Variants in RAPGEF4 observed in about 807,000 individuals in gnomAD.
The protein encoded by RAPGEF4 is RAP guanine-nucleotide-exchange factor (GEF) 4.
RAPGEF4 carries 66 observed loss-of-function variants against 147.9 expected under a neutral mutation model. The observed-to-expected ratio is 0.45, with a 90% CI of 0.37 to 0.55. The LOEUF (loss-of-function observed/expected upper bound fraction) is 0.55. Among genes scored for constraint, RAPGEF4 ranks in the 20% least tolerant of loss-of-function variants. The pLI is 0.00. For synonymous variants in RAPGEF4, 419 were observed against 442.7 expected (o/e 0.95, Z 0.67); for missense variants, 1,071 against 1,257.3 (o/e 0.85, Z 2.24).
chr2:172,912,216 C>T (rs544510551), intron 4 of RAPGEF4, among the ~76,000 whole-genome samples: 1 of 152,326 alleles, frequency 6.6e-6, no homozygotes, highest in Admixed American at 6.5e-5. Context: ...TAGTTACTGT[C>T]TCTGTTTCTT....
In RAPGEF4 at chr2:172,795,069, G is replaced by T. The variant is rs757476344; in HGVS notation, c.110G>T (p.Arg37Leu). The change falls in exon 2 of 31, where the codon CGA becomes CTA. Residue 37 changes from arginine (R) to leucine (L), a missense_variant. Arg to Leu is a moderately radical substitution (Grantham distance 102). Coordinates refer to ENST00000397081, the MANE Select transcript of RAPGEF4 (RefSeq NM_007023.4). ...SSEDVDIIFTRLKEVKAFEKF... is the reference protein window; with the variant it reads ...SSEDVDIIFTLLKEVKAFEKF... ...GAAGATGTGGATATAATCTTCACTC[G>T]ACTGAAAGAAGTTAAAGCTTTTGAG... 8.1e-6 allele frequency: 13 copies of T among 1,613,792 alleles called. No individual in the cohort carries two copies. The highest frequency in any genetic ancestry group is 4.2e-6 in the Non-Finnish European group (5 of 1,179,888).
chr2:172,841,052 C>A (rs1472478257), intron 4 of RAPGEF4, among the ~76,000 whole-genome samples: 1 of 152,202 alleles, frequency 6.6e-6, no homozygotes, highest in African/African-American at 2.4e-5. Context: ...AAGTGATAGA[C>A]CCTCTCCCCA....
At chr2:172,743,274 A>G (rs34942777) in intron 1 of RAPGEF4, among the ~76,000 whole-genome samples, 15,506 of 152,146 alleles carry the variant, frequency 0.1, 1,047 homozygotes, top group Non-Finnish European at 0.14. Context: ...ACAGCGAGAG[A>G]TCCAGCTGAA....
intron 8 of RAPGEF4, among the ~76,000 whole-genome samples, chr2:172,964,973 A>G (rs969287849): frequency 6.6e-6 from 1 of 152,230 alleles, no homozygotes; most frequent in Non-Finnish European, 1.5e-5. Context: ...GCTCTGGAGA[A>G]GTGCTAATGC....
intron 6 of RAPGEF4, among the ~76,000 whole-genome samples, chr2:172,952,987 A>G (rs892017282): frequency 5.9e-5 from 9 of 152,126 alleles, no homozygotes; most frequent in African/African-American, 2.2e-4. Context: ...GCAGTACTCC[A>G]GAACAGTTGA....
chr2:172,756,854 T>G (rs898396332), intron 1 of RAPGEF4, among the ~76,000 whole-genome samples: 2 of 152,204 alleles, frequency 1.3e-5, no homozygotes, highest in African/African-American at 4.8e-5. Context: ...TCAAAGGAAA[T>G]CAGAGTGAAA....
chr2:173,006,046 T>C (rs528505845), intron 17 of RAPGEF4, among the ~76,000 whole-genome samples: 7 of 152,338 alleles, frequency 4.6e-5, no homozygotes, highest in African/African-American at 1.7e-4. Context: ...AGACTCTAGC[T>C]AGACTGGGCC....
At chr2:172,900,481 C>T (rs910111697) in intron 4 of RAPGEF4, among the ~76,000 whole-genome samples, 1 of 152,136 alleles carries the variant, frequency 6.6e-6, no homozygotes, top group African/African-American at 2.4e-5. Flanking sequence ...TCAAACAATC[C>T]CCCTACCTCA....
intron 1 of RAPGEF4, among the ~76,000 whole-genome samples, chr2:172,760,301 C>A (rs746660918): frequency 6.6e-6 from 1 of 152,096 alleles, no homozygotes; most frequent in Admixed American, 6.5e-5. Flanking sequence ...CAATTATGAA[C>A]ACAGAGCATA....
chr2:172,949,732 A>T (rs150002060), intron 6 of RAPGEF4, among the ~76,000 whole-genome samples: 2 of 152,356 alleles, frequency 1.3e-5, no homozygotes, highest in Non-Finnish European at 2.9e-5. Flanking sequence ...GAACTCTGAC[A>T]AATCAGATGA....
chr2:173,024,935 C>G (rs1696516943), intron 23 of RAPGEF4, among the ~76,000 whole-genome samples: 1 of 152,206 alleles, frequency 6.6e-6, no homozygotes, highest in South Asian at 2.1e-4. Context: ...TCCTTCCACC[C>G]CAAGGGACCA....
intron 14 of RAPGEF4, among the ~76,000 whole-genome samples, chr2:172,990,017 CAA>C (rs10689863): frequency 3.1e-5 from 4 of 128,922 alleles, no homozygotes; most frequent in Admixed American, 7.8e-5. Context: ...GGTCTTAATG[CAA>C]AAAAAAAAAA....
At position 172,988,876 on chromosome 2, in the gene RAPGEF4, AT is replaced by A. The variant is rs551742809; in HGVS notation, c.1374+44del. ...GCAAAGTGTGGCTGAGAGACAGCCC[AT>A]TTTTTTCTTTAACTAAATAAGCAAA... is the stretch of plus-strand genomic sequence containing the variant. On this transcript the variant is annotated intron_variant, in intron 14 of 30. Coordinates refer to ENST00000397081, the MANE Select transcript of RAPGEF4 (RefSeq NM_007023.4). 8.4e-5 allele frequency: 134 copies of A among 1,596,946 alleles called. 1 individual carries two copies. The Admixed American group carries it at 2.1e-3, about 25-fold the overall frequency.
At chr2:172,956,983 G>C (rs546653015) in intron 6 of RAPGEF4, among the ~76,000 whole-genome samples, 106 of 152,310 alleles carry the variant, frequency 7.0e-4, no homozygotes, top group Middle Eastern at 6.8e-3. Flanking sequence ...GATGTCTCTA[G>C]AAGAAAACTG....
chr2:172,770,083 A>T (rs1487368596), intron 1 of RAPGEF4, among the ~76,000 whole-genome samples: 1 of 152,216 alleles, frequency 6.6e-6, no homozygotes, highest in African/African-American at 2.4e-5. Flanking sequence ...ATGCATGCAT[A>T]CCCACTTTTG....
chr2:172,948,659 T>C (rs567729712), intron 6 of RAPGEF4, among the ~76,000 whole-genome samples: 1 of 152,256 alleles, frequency 6.6e-6, no homozygotes, highest in East Asian at 1.9e-4. Context: ...TGCAGGAACA[T>C]GGTTGGAGCT....
At chr2:172,798,079 T>A (rs773119675) in intron 3 of RAPGEF4, among the ~76,000 whole-genome samples, 1 of 152,120 alleles carries the variant, frequency 6.6e-6, no homozygotes, top group Non-Finnish European at 1.5e-5. Context: ...GCTGTTGCAG[T>A]CCCCCTGAAA....
At chr2:172,817,237 G>A (rs186162088) in intron 4 of RAPGEF4, among the ~76,000 whole-genome samples, 7 of 152,132 alleles carry the variant, frequency 4.6e-5, no homozygotes, top group Non-Finnish European at 1.0e-4. Flanking sequence ...CTTCTATTCC[G>A]CTCAGAGGAG....
rs376506970 is a variant in RAPGEF4 at position 173,012,156 on chromosome 2, C to T, written c.1659-2308C>T. Among the ~76,000 whole-genome samples the T allele has an allele frequency of 3.8e-3, 585 of 152,282 alleles. 46 individuals are homozygous for T. In the South Asian group the frequency reaches 0.12, roughly 30 times the overall value. Reference sequence around the variant, plus strand: ...AGTACAAGGCCATCAGAAAGGTTGTCTTTCACAGGCACTATCACTTAGACT... The same window carrying T: ...AGTACAAGGCCATCAGAAAGGTTGTTTTTCACAGGCACTATCACTTAGACT... On this transcript the variant is annotated intron_variant, in intron 17 of 30. Transcript: ENST00000397081.
Sources: gnomAD v4.1 joint callset for allele counts (sites outside exome capture counted in the v4.1 genomes callset) on GRCh38, gnomAD v4.1.1 for gene constraint, MANE v1.5 for transcripts, NCBI Gene and HGNC (gene_info 2026-07-23, HGNC 2026-07-21) for gene names.